Variants in BCS1L observed in about 807,000 individuals in gnomAD.
The protein encoded by BCS1L is mitochondrial chaperone BCS1.
BCS1L carries 38 observed loss-of-function variants against 49.3 expected under a neutral mutation model. The ratio of observed to expected loss-of-function variants is 0.77; its 90% CI spans 0.59 to 1.01. The LOEUF (loss-of-function observed/expected upper bound fraction) is 1.01. Among genes scored for constraint, BCS1L ranks in the 50% least tolerant of loss-of-function variants. The pLI is 0.00. For missense variants in BCS1L, 394 were observed against 540.2 expected (o/e 0.73, Z 2.68); for synonymous variants, 193 against 210.1 (o/e 0.92, Z 0.70).
At position 218,662,212 on chromosome 2, in the gene BCS1L, G is replaced by A. The variant is rs753443327; in HGVS notation, c.671G>A (p.Arg224His). The change falls in exon 5 of 8, where the codon CGT becomes CAT. Residue 224 changes from arginine (R) to histidine (H), a missense_variant. Coordinates refer to ENST00000359273, the MANE Select transcript of BCS1L (RefSeq NM_001079866.2). This position sits in a 1 kb window ranked among gnomAD's most constrained non-coding sequence, Gnocchi z 5.8. Reference protein sequence around the residue: ...WYTDRGIPYRRGYLLYGPPGC... With the variant: ...WYTDRGIPYRHGYLLYGPPGC... ...CTATCCCTAGGCATTCCTTACAGAC[G>A]TGGCTACCTGCTTTATGGGCCCCCT... 2.5e-6 allele frequency: 4 copies of A among 1,613,882 alleles called. No homozygotes were observed. Among genetic ancestry groups the A allele is most frequent in the Admixed American group, 3.3e-5 (2 of 59,996 alleles).
At chr2:218,659,380 G>C (rs1405601702), upstream of BCS1L, 1 of 152,194 alleles carries the variant, frequency 6.6e-6, no homozygotes, top group Non-Finnish European at 1.5e-5. This position sits in a 1 kb window ranked among gnomAD's most constrained non-coding sequence, Gnocchi z 4.4. Flanking sequence ...TCCAGACCCA[G>C]AGCCGGCGGG....
In BCS1L at chr2:218,661,754, C is replaced by T. The variant is rs779638704; in HGVS notation, c.461-5C>T. 7 of 1,608,504 alleles carry T rather than the reference C, an allele frequency of 4.4e-6. No individual in the cohort carries two copies. Among genetic ancestry groups the T allele is most frequent in the South Asian group, 1.1e-5 (1 of 90,924 alleles). The stretch of plus-strand genomic sequence containing the variant: ...ATTGGCTTTATCTCATCTTCTCCTT[C>T]CCAGCTCGAGAGCTAGCCTTGCAGC... On this transcript the variant is annotated splice_region_variant and splice_polypyrimidine_tract_variant and intron_variant, in intron 3 of 7. Transcript: ENST00000359273. The surrounding 1 kb of genome is among the most constrained non-coding windows in gnomAD (Gnocchi z 5.9).
chr2:218,661,356 G>A lies in BCS1L; in HGVS notation c.320+49G>A. The A allele has an allele frequency of 6.2e-7, 1 of 1,614,202 alleles. No individual in the cohort carries two copies. The highest frequency in any genetic ancestry group is 8.5e-7 in the Non-Finnish European group (1 of 1,180,030). On this transcript the variant is annotated intron_variant, in intron 2 of 7. Transcript: ENST00000359273. This position sits in a 1 kb window ranked among gnomAD's most constrained non-coding sequence, Gnocchi z 5.9. ...CTGTGAGAGTAGAAAAGAATGATGG[G>A]AGCTGGGTTTGACCCATTCACTCAC...
Position 218,661,711 on chromosome 2 carries a change from G to C in BCS1L, c.461-48G>C. On this transcript the variant is annotated intron_variant, in intron 3 of 7. Transcript: ENST00000359273. The surrounding 1 kb of genome is among the most constrained non-coding windows in gnomAD (Gnocchi z 5.9). ...ACAGCTCCACCTAATTGAAGAATCA[G>C]CCATGGTGAAGAGAATTATTGGCTT... 2 of 1,598,002 alleles carry C rather than the reference G, an allele frequency of 1.3e-6. No homozygotes were observed. The highest frequency in any genetic ancestry group is 1.7e-6 in the Non-Finnish European group (2 of 1,170,672).
chr2:218,662,431 C>G lies in BCS1L; in HGVS notation c.720-79C>G, dbSNP rs1939573599. The G allele has an allele frequency of 4.4e-6, 7 of 1,585,838 alleles. No individual in the cohort carries two copies. Among genetic ancestry groups the G allele is most frequent in the Non-Finnish European group, 6.0e-6 (7 of 1,157,058 alleles). On this transcript the variant is annotated intron_variant, in intron 5 of 7. Transcript: ENST00000359273. This position sits in a 1 kb window ranked among gnomAD's most constrained non-coding sequence, Gnocchi z 5.8. The stretch of plus-strand genomic sequence containing the variant: ...GTCAGGCCTCTGAGACACATGTCCC[C>G]AGGCGGTGAGGAGAGTAGCTGGGCC...
Position 218,661,120 on chromosome 2 carries a change from C to T in BCS1L, c.133C>T (p.Arg45Cys), listed in dbSNP as rs121908575. The T allele has an allele frequency of 8.1e-6, 13 of 1,614,192 alleles. No homozygotes were observed. The highest frequency in any genetic ancestry group is 2.2e-5 in the South Asian group (2 of 91,076). The change falls in exon 2 of 8, where the codon CGC becomes TGC. Residue 45 changes from arginine (R) to cysteine (C), a missense_variant. Arg to Cys is a radical substitution (Grantham distance 180). Coordinates refer to ENST00000359273, the MANE Select transcript of BCS1L (RefSeq NM_001079866.2). This position sits in a 1 kb window ranked among gnomAD's most constrained non-coding sequence, Gnocchi z 5.9. ...CCAACTGGGCCTGGTGGCATTCCGG[C>T]GCCATTACATGATCACACTGGAAGT... Reference protein sequence around the residue: ...GVQLGLVAFRRHYMITLEVPA... With the variant: ...GVQLGLVAFRCHYMITLEVPA...
Position 218,661,086 on chromosome 2 carries a change from G to C in BCS1L, c.99G>C (p.Arg33=). ...TGGGCACAGCCCTGGCCCTGGCCCG[G>C]AAGGGTGTCCAACTGGGCCTGGTGG... ...VGVGTALALA[R]KGVQLGLVAF... The change falls in exon 2 of 8, where the codon CGG becomes CGC. Residue 33 remains arginine (R), a synonymous_variant. Coordinates refer to ENST00000359273, the MANE Select transcript of BCS1L (RefSeq NM_001079866.2). The surrounding 1 kb of genome is among the most constrained non-coding windows in gnomAD (Gnocchi z 5.9). The C allele has an allele frequency of 6.2e-7, 1 of 1,614,218 alleles. No individual in the cohort carries two copies. Among genetic ancestry groups the C allele is most frequent in the Non-Finnish European group, 8.5e-7 (1 of 1,180,048 alleles).
Position 218,661,195 on chromosome 2 carries a change from C to T in BCS1L, c.208C>T (p.His70Tyr), listed in dbSNP as rs759986747. Reference protein sequence around the residue: ...YAWLLSWLTRHSTRTQHLSVE... With the variant: ...YAWLLSWLTRYSTRTQHLSVE... ...CTGGTTGCTTAGCTGGCTCACCCGC[C>T]ACAGTACCCGTACTCAGCACCTCAG... is the stretch of plus-strand genomic sequence containing the variant. Residue 70 changes from histidine (H) to tyrosine (Y), a missense_variant, in exon 2 of 8, where the codon CAC becomes TAC. Physicochemically the swap from His to Tyr is moderately conservative, Grantham distance 83 (BLOSUM62 2). Transcript: ENST00000359273. The surrounding 1 kb of genome is among the most constrained non-coding windows in gnomAD (Gnocchi z 5.9). 1.2e-6 allele frequency: 2 copies of T among 1,614,240 alleles called. No individual in the cohort carries two copies. Among genetic ancestry groups the T allele is most frequent in the Admixed American group, 1.7e-5 (1 of 60,022 alleles).
In BCS1L at chr2:218,662,419, G is replaced by A; in HGVS notation, c.720-91G>A. ...TGTGAGGTAGAAGTCAGGCCTCTGAGACACATGTCCCCAGGCGGTGAGGAG... is the reference window on the plus strand; with the variant it reads ...TGTGAGGTAGAAGTCAGGCCTCTGAAACACATGTCCCCAGGCGGTGAGGAG... On this transcript the variant is annotated intron_variant, in intron 5 of 7. Coordinates refer to ENST00000359273, the MANE Select transcript of BCS1L (RefSeq NM_001079866.2). This position sits in a 1 kb window ranked among gnomAD's most constrained non-coding sequence, Gnocchi z 5.8. 1 of 1,566,940 alleles carries A rather than the reference G, an allele frequency of 6.4e-7. No individual in the cohort carries two copies. Among genetic ancestry groups the A allele is most frequent in the Non-Finnish European group, 8.8e-7 (1 of 1,140,570 alleles).
chr2:218,660,638 G>T, intron 1 of BCS1L: 1 of 275,466 alleles, frequency 3.6e-6, no homozygotes, highest in Non-Finnish European at 7.0e-6. Context: ...ATCATAGCTG[G>T]TCCCAGGGAC....
rs1159924019 is a variant in BCS1L, at chr2:218,663,179, G to A, written c.1053G>A (p.Glu351=). 1 of 1,614,242 alleles carries A rather than the reference G, an allele frequency of 6.2e-7. No individual in the cohort carries two copies. Among genetic ancestry groups the A allele is most frequent in the South Asian group, 1.1e-5 (1 of 91,084 alleles). ...GCCCGGGGCGAGTGGACCTGAAGGA[G>A]TACGTGGGCTACTGCTCACACTGGC... ...LIRPGRVDLK[E]YVGYCSHWQL... The change falls in exon 8 of 8, where the codon GAG becomes GAA. Residue 351 remains glutamate, a synonymous_variant. Transcript: ENST00000359273.
At position 218,661,526 on chromosome 2, in the gene BCS1L, C is replaced by T. The variant is rs2106324466; in HGVS notation, c.441C>T (p.Phe147=). 1.9e-6 allele frequency: 3 copies of T among 1,614,188 alleles called. No homozygotes were observed. The highest frequency in any genetic ancestry group is 2.5e-6 in the Non-Finnish European group (3 of 1,180,036). ...FTALGTDRKV[F]FNILEEAREL... ...CCCTGGGCACTGACCGAAAGGTTTT[C>T]TTCAACATCCTGGAGGAAGGTGTGG... The change falls in exon 3 of 8, where the codon TTC becomes TTT. Residue 147 remains phenylalanine (F), a synonymous_variant. Transcript: ENST00000359273. This position sits in a 1 kb window ranked among gnomAD's most constrained non-coding sequence, Gnocchi z 5.9.
Position 218,661,125 on chromosome 2 carries a change from T to G in BCS1L, c.138T>G (p.His46Gln). The part of the protein sequence containing the change: ...VQLGLVAFRR[H>Q]YMITLEVPAR... ...TGGGCCTGGTGGCATTCCGGCGCCA[T>G]TACATGATCACACTGGAAGTCCCTG... The change falls in exon 2 of 8, where the codon CAT (histidine) becomes CAG (glutamine). Residue 46 changes from histidine (H) to glutamine (Q), a missense_variant. Physicochemically the swap from His to Gln is conservative, Grantham distance 24. Transcript: ENST00000359273. This position sits in a 1 kb window ranked among gnomAD's most constrained non-coding sequence, Gnocchi z 5.9. The G allele has an allele frequency of 6.2e-7, 1 of 1,614,122 alleles. No individual in the cohort carries two copies. The highest frequency in any genetic ancestry group is 8.5e-7 in the Non-Finnish European group (1 of 1,180,008).
In BCS1L at chr2:218,661,589, T is replaced by A; in HGVS notation, c.460+44T>A. The stretch of plus-strand genomic sequence containing the variant: ...AGGCTTTCTAGGGACATTGCAGGGA[T>A]GGGGACATTTGACATCAGATGAGCA... On this transcript the variant is annotated intron_variant, in intron 3 of 7. Transcript: ENST00000359273. This position sits in a 1 kb window ranked among gnomAD's most constrained non-coding sequence, Gnocchi z 5.9. 6.2e-7 allele frequency: 1 copy of A among 1,611,570 alleles called. No homozygotes were observed. The highest frequency in any genetic ancestry group is 8.5e-7 in the Non-Finnish European group (1 of 1,178,906).
chr2:218,661,515 C>T lies in BCS1L; in HGVS notation c.430C>T (p.Arg144Ter), dbSNP rs1443643776. ...SVTFTALGTD[R>*]KVFFNILEEA... is the part of the protein sequence containing the mutation. ...CACCTTCACGGCCCTGGGCACTGAC[C>T]GAAAGGTTTTCTTCAACATCCTGGA... The change falls in exon 3 of 8, where the codon CGA becomes TGA. Residue 144 changes from arginine (R) to a stop codon, truncating the protein, a stop_gained. Transcript: ENST00000359273. LOFTEE classifies it high-confidence loss of function. This position sits in a 1 kb window ranked among gnomAD's most constrained non-coding sequence, Gnocchi z 5.9. 7 of 1,614,142 alleles carry T rather than the reference C, an allele frequency of 4.3e-6. No individual in the cohort carries two copies. Among genetic ancestry groups the T allele is most frequent in the Non-Finnish European group, 5.9e-6 (7 of 1,180,040 alleles).
At chr2:218,658,867 G>A (rs897964581), upstream of BCS1L, 1 of 152,330 alleles carries the variant, frequency 6.6e-6, no homozygotes, top group Non-Finnish European at 1.5e-5. Context: ...TTATCTTCCG[G>A]GCAGGAGGGC....
Position 218,661,051 on chromosome 2 carries a change from C to T in BCS1L, c.64C>T (p.Leu22=), listed in dbSNP as rs777854606. 6.9e-5 allele frequency: 112 copies of T among 1,614,060 alleles called. 1 individual carries two copies. In the Middle Eastern group the frequency reaches 1.2e-3, roughly 17 times the overall value. ...DNPYFGAGFG[L]VGVGTALALA... ...TCCCTACTTTGGGGCTGGATTTGGG[C>T]TGGTGGGTGTGGGCACAGCCCTGGC... Residue 22 remains leucine (L), a synonymous_variant, in exon 2 of 8, where the codon CTG becomes TTG. Coordinates refer to ENST00000359273, the MANE Select transcript of BCS1L (RefSeq NM_001079866.2). This position sits in a 1 kb window ranked among gnomAD's most constrained non-coding sequence, Gnocchi z 5.9.
At position 218,662,856 on chromosome 2, in the gene BCS1L, TG is replaced by T; in HGVS notation, c.890-26del. ...TTTTATGCTGGGCTATGACTACTCATGCTTCCTTATCTTTGCCTTCCTCCAG... is the reference window on the plus strand; with the variant it reads ...TTTTATGCTGGGCTATGACTACTCATCTTCCTTATCTTTGCCTTCCTCCAG... On this transcript the variant is annotated intron_variant, in intron 6 of 7. Coordinates refer to ENST00000359273, the MANE Select transcript of BCS1L (RefSeq NM_001079866.2). The surrounding 1 kb of genome is among the most constrained non-coding windows in gnomAD (Gnocchi z 5.8). 1 of 1,607,938 alleles carries T rather than the reference TG, an allele frequency of 6.2e-7. No individual in the cohort carries two copies. The highest frequency in any genetic ancestry group is 8.5e-7 in the Non-Finnish European group (1 of 1,174,502).
chr2:218,660,975 T>A lies in BCS1L; in HGVS notation c.-13T>A. On this transcript the variant is annotated 5_prime_UTR_variant, in exon 2 of 8. Transcript: ENST00000359273. ...ACCCCAGGGCCTGTAAGGTTTGGTGTTTCCCTTTCAAGATGCCACTTTCAG... is the reference window on the plus strand; with the variant it reads ...ACCCCAGGGCCTGTAAGGTTTGGTGATTCCCTTTCAAGATGCCACTTTCAG... The A allele has an allele frequency of 1.2e-6, 2 of 1,613,264 alleles. No individual in the cohort carries two copies. Among genetic ancestry groups the A allele is most frequent in the East Asian group, 2.2e-5 (1 of 44,888 alleles).
Sources: allele counts gnomAD v4.1 joint callset, GRCh38; gene constraint gnomAD v4.1.1; non-coding constraint Gnocchi (gnomAD v3.1); transcripts MANE v1.5; gene names NCBI Gene and HGNC (gene_info 2026-07-23, HGNC 2026-07-21).